TTLL11: variants seen among roughly 807,000 people sequenced by gnomAD.
TTLL11 encodes tubulin tyrosine ligase like 11, also known as tubulin polyglutamylase TTLL11.
In TTLL11, 42 loss-of-function variants were observed where a neutral mutation model predicts 51.7. That is an observed-to-expected ratio of 0.81 (90% CI 0.64 to 1.05). The LOEUF is 1.05. Ranked by LOEUF, TTLL11 falls within the 50% of genes least tolerant of loss-of-function variation. The probability of loss-of-function intolerance (pLI) is 0.00; values close to 1 mark genes in which losing one functional copy is unlikely to be tolerated. For synonymous variants in TTLL11, 381 were observed against 383.5 expected (o/e 0.99, Z 0.08); for missense variants, 799 against 940.4 (o/e 0.85, Z 1.97).
At chr9:121,994,369 C>T (rs868435084) in intron 3 of TTLL11, among the ~76,000 whole-genome samples, 3 of 152,158 alleles carry the variant, frequency 2.0e-5, no homozygotes, top group African/African-American at 7.2e-5. Context: ...GATAATACCA[C>T]CACCACGAAT....
chr9:122,080,504 G>T (rs1175813295), intron 1 of TTLL11, among the ~76,000 whole-genome samples: 1 of 151,432 alleles, frequency 6.6e-6, no homozygotes, highest in Non-Finnish European at 1.5e-5. Flanking sequence ...GCAACATATG[G>T]AAACCCCATC....
At chr9:121,970,989 C>T (rs1182793128) in intron 6 of TTLL11, among the ~76,000 whole-genome samples, 1 of 152,100 alleles carries the variant, frequency 6.6e-6, no homozygotes, top group African/African-American at 2.4e-5. Context: ...GAAAATGTGG[C>T]CGGCCAGCCG....
intron 1 of TTLL11, among the ~76,000 whole-genome samples, chr9:122,051,259 T>C (rs1442154378): frequency 2.0e-5 from 3 of 152,176 alleles, no homozygotes; most frequent in Non-Finnish European, 4.4e-5. Flanking sequence ...TTTGAAGCCA[T>C]GTTGGTTTAT....
chr9:122,032,136 T>C (rs1844573415), intron 2 of TTLL11, among the ~76,000 whole-genome samples: 1 of 152,198 alleles, frequency 6.6e-6, no homozygotes, highest in Non-Finnish European at 1.5e-5. Context: ...ATTCTTTTAT[T>C]CTTTGTCACC....
At chr9:121,971,452 TCAGCCCCCCCGCCCGGC>T (rs1842572206) in intron 6 of TTLL11, among the ~76,000 whole-genome samples, 2 of 91,432 alleles carry the variant, frequency 2.2e-5, no homozygotes, top group South Asian at 6.9e-4. Context: ...GTGGGGGGGG[TCAGCCCCCCCGCCCGGC>T]CAGCCGCCCC....
intron 6 of TTLL11, among the ~76,000 whole-genome samples, chr9:121,958,092 A>G (rs7039937): frequency 0.077 from 11,751 of 152,236 alleles, 682 homozygotes; most frequent in African/African-American, 0.16. Flanking sequence ...GGTCCTCACA[A>G]CCAACCTGCA....
intron 6 of TTLL11, among the ~76,000 whole-genome samples, chr9:121,952,917 C>A (rs1841896267): frequency 6.6e-6 from 1 of 152,144 alleles, no homozygotes; most frequent in African/African-American, 2.4e-5. Context: ...TGGCCCTTAT[C>A]CTCTTTATTT....
chr9:121,827,616 A>G (rs1233692046), intron 8 of TTLL11, among the ~76,000 whole-genome samples: 1 of 152,168 alleles, frequency 6.6e-6, no homozygotes, highest in African/African-American at 2.4e-5. Flanking sequence ...GGACGCGGGG[A>G]TGCCCCAAAC....
At chr9:121,871,871 A>G (rs1838370286) in intron 6 of TTLL11, among the ~76,000 whole-genome samples, 1 of 151,756 alleles carries the variant, frequency 6.6e-6, no homozygotes, top group African/African-American at 2.4e-5. Context: ...TCCCTTCCAC[A>G]CTCAAAGGCC....
At chr9:121,828,612 C>G (rs1333145865) in intron 8 of TTLL11, among the ~76,000 whole-genome samples, 1 of 152,122 alleles carries the variant, frequency 6.6e-6, no homozygotes, top group Non-Finnish European at 1.5e-5. Context: ...CCACCCCGTC[C>G]CTGTTGAACA....
At chr9:122,050,226 TG>T (rs1270209705) in intron 1 of TTLL11, among the ~76,000 whole-genome samples, 1 of 152,252 alleles carries the variant, frequency 6.6e-6, no homozygotes. Context: ...AGTACATTGC[TG>T]TAATATGAGA....
chr9:121,897,586 A>G (rs1839574009), intron 6 of TTLL11, among the ~76,000 whole-genome samples: 1 of 134,152 alleles, frequency 7.5e-6, no homozygotes, highest in African/African-American at 2.6e-5. Flanking sequence ...CCCGCATCCC[A>G]CAAGCCCACC....
intron 3 of TTLL11, among the ~76,000 whole-genome samples, chr9:122,010,334 A>G (rs1041814665): frequency 6.6e-6 from 1 of 152,210 alleles, no homozygotes; most frequent in African/African-American, 2.4e-5. Flanking sequence ...TCTTGCTGCA[A>G]TTGTAACACC....
At chr9:121,871,727 C>T (rs182511289) in intron 6 of TTLL11, among the ~76,000 whole-genome samples, 65 of 152,302 alleles carry the variant, frequency 4.3e-4, no homozygotes, top group Middle Eastern at 3.4e-3. Context: ...GAGTTCTTCC[C>T]GGGCCTCCTC....
chr9:121,923,236 T>C (rs1840602103), intron 6 of TTLL11, among the ~76,000 whole-genome samples: 1 of 152,206 alleles, frequency 6.6e-6, no homozygotes, highest in Admixed American at 6.5e-5. Context: ...CACCCTAGGA[T>C]GTTCTCTATT....
intron 2 of TTLL11, among the ~76,000 whole-genome samples, chr9:122,033,830 A>T (rs1273046241): frequency 6.6e-6 from 1 of 152,194 alleles, no homozygotes; most frequent in Non-Finnish European, 1.5e-5. Flanking sequence ...GCACTAATAA[A>T]CTGCTCTAAC....
intron 4 of TTLL11, among the ~76,000 whole-genome samples, chr9:121,983,119 G>A (rs77506381): frequency 6.6e-6 from 1 of 152,182 alleles, no homozygotes; most frequent in East Asian, 1.9e-4. Flanking sequence ...GGTTACATTT[G>A]GGAATATTTT....
intron 8 of TTLL11, among the ~76,000 whole-genome samples, chr9:121,850,228 G>A (rs954832944): frequency 6.6e-6 from 1 of 152,126 alleles, no homozygotes; most frequent in Admixed American, 6.5e-5. Flanking sequence ...TCATAGATAT[G>A]GATATGTGAA....
At chr9:121,887,127 T>C (rs1449472520) in intron 6 of TTLL11, among the ~76,000 whole-genome samples, 2 of 152,296 alleles carry the variant, frequency 1.3e-5, no homozygotes, top group East Asian at 3.9e-4. Flanking sequence ...CTAGAGATAA[T>C]AGTATGTTTT....
Sources: gnomAD v4.1 joint callset for allele counts (sites outside exome capture counted in the v4.1 genomes callset) on GRCh38, gnomAD v4.1.1 for gene constraint, MANE v1.5 for transcripts, NCBI Gene and HGNC (gene_info 2026-07-23, HGNC 2026-07-21) for gene names.